VOPP1: variants seen among roughly 807,000 people sequenced by gnomAD.
The protein encoded by VOPP1 is WW domain binding protein VOPP1.
A neutral mutation model predicts 23.5 loss-of-function variants in VOPP1; 8 were observed. The observed-to-expected ratio is 0.34, with a 90% CI of 0.20 to 0.61. The LOEUF (loss-of-function observed/expected upper bound fraction) is 0.61, where lower values mean the gene tolerates loss of function less well. VOPP1 is among the 20% of genes least tolerant of loss of function. The pLI is 0.78. For missense variants in VOPP1, 174 were observed against 238.1 expected (o/e 0.73, Z 1.77); for synonymous variants, 83 against 97.3 (o/e 0.85, Z 0.86).
chr7:55,488,709 C>T (rs1413295966), intron 4 of VOPP1, among the ~76,000 whole-genome samples: 1 of 151,502 alleles, frequency 6.6e-6, no homozygotes, highest in Non-Finnish European at 1.5e-5. Context: ...GAGTCTGGGT[C>T]CTCTAAATCC....
intron 2 of VOPP1, among the ~76,000 whole-genome samples, chr7:55,510,021 A>T (rs1794972480): frequency 6.6e-6 from 1 of 152,138 alleles, no homozygotes; most frequent in Non-Finnish European, 1.5e-5. Flanking sequence ...GACCAAAATG[A>T]GGGTCAGGCT....
chr7:55,498,812 T>C (rs1794163709), intron 2 of VOPP1, among the ~76,000 whole-genome samples: 1 of 152,048 alleles, frequency 6.6e-6, no homozygotes, highest in African/African-American at 2.4e-5. Flanking sequence ...AGATGCAAAG[T>C]GAGATAACAG....
intron 1 of VOPP1, among the ~76,000 whole-genome samples, chr7:55,569,006 G>C: frequency 6.6e-6 from 1 of 152,230 alleles, no homozygotes; most frequent in East Asian, 1.9e-4. Flanking sequence ...GCCACCCTTA[G>C]AATCTGCCAC....
chr7:55,448,821 G>A (rs1398296109), intron 4 of VOPP1, among the ~76,000 whole-genome samples: 1 of 152,244 alleles, frequency 6.6e-6, no homozygotes, highest in Non-Finnish European at 1.5e-5. Context: ...GCGAGGAGCA[G>A]CATTGCCACC....
intron 1 of VOPP1, among the ~76,000 whole-genome samples, chr7:55,565,849 C>G (rs1481400955): frequency 1.3e-5 from 2 of 152,278 alleles, no homozygotes; most frequent in East Asian, 3.9e-4. Context: ...ACCCACAGAA[C>G]AGAGCTTCCT....
chr7:55,526,890 C>T (rs1796223135), intron 1 of VOPP1: 1 of 152,206 alleles, frequency 6.6e-6, no homozygotes, highest in African/African-American at 2.4e-5. Context: ...GGGAGGGGCC[C>T]CCTGCTGTGC....
chr7:55,503,814 G>A (rs77727558), intron 2 of VOPP1, among the ~76,000 whole-genome samples: 1,675 of 152,272 alleles, frequency 0.011, 11 homozygotes, highest in Middle Eastern at 0.02. Flanking sequence ...CAGAGCTGAC[G>A]GAACCTTGGT....
rs147990846 is a variant in VOPP1, at chr7:55,500,639, C to A, written c.114-2949G>T. Among the ~76,000 whole-genome samples the A allele has an allele frequency of 5.6e-3, 827 of 149,002 alleles. 11 individuals carry two copies. The highest frequency in any genetic ancestry group is 0.019 in the African/African-American group (791 of 41,230). On this transcript the variant is annotated intron_variant, in intron 2 of 4. Coordinates refer to ENST00000285279, the MANE Select transcript of VOPP1 (RefSeq NM_030796.5). Reference sequence around the variant, plus strand: ...TTTATAGTGATTTACTACACAGCCACAGAGTCAAGAAGAACACAGCTTACA... The same window carrying A: ...TTTATAGTGATTTACTACACAGCCAAAGAGTCAAGAAGAACACAGCTTACA...
chr7:55,539,475 C>G (rs1030933327), intron 1 of VOPP1: 2 of 152,204 alleles, frequency 1.3e-5, no homozygotes, highest in African/African-American at 2.4e-5. Context: ...AATTCCATTC[C>G]ACTTGGTACT....
rs1261040830 is a variant in VOPP1, at chr7:55,472,721, G to A, written c.*134C>T. On this transcript the variant is annotated 3_prime_UTR_variant, in exon 5 of 5. Coordinates refer to ENST00000285279, the MANE Select transcript of VOPP1 (RefSeq NM_030796.5). The stretch of plus-strand genomic sequence containing the variant: ...TCCATGGAAAGCCTGAAAGAGAGCT[G>A]TGCTTGCTGTGAGGATATCAGAGGA... 2.1e-6 allele frequency: 1 copy of A among 476,588 alleles called. No individual in the cohort carries two copies. Among genetic ancestry groups the A allele is most frequent in the Non-Finnish European group, 3.6e-6 (1 of 281,484 alleles). The allele number at this position is 476,588 out of a possible 1,614,324, so 29.5% of individuals were successfully genotyped here. A position where few individuals can be genotyped will look rare whatever the true frequency, so the allele number is the denominator to read the frequency against.
intron 4 of VOPP1, among the ~76,000 whole-genome samples, chr7:55,445,278 G>C (rs13246196): frequency 8.9e-4 from 58 of 65,236 alleles, no homozygotes; most frequent in African/African-American, 2.4e-3. Flanking sequence ...TACACACACA[G>C]ACACACACAC....
intron 1 of VOPP1, among the ~76,000 whole-genome samples, chr7:55,571,203 G>C (rs1250855949): frequency 6.6e-6 from 1 of 152,138 alleles, no homozygotes. Flanking sequence ...AGGAAGTCTC[G>C]GCTATGGCAG....
At chr7:55,502,362 A>G (rs1403775044) in intron 2 of VOPP1, among the ~76,000 whole-genome samples, 1 of 152,248 alleles carries the variant, frequency 6.6e-6, no homozygotes, top group African/African-American at 2.4e-5. Flanking sequence ...ACCAGCAGCA[A>G]ATACACGCTG....
Position 55,512,087 on chromosome 7 carries a change from G to T in VOPP1, c.113+8985C>A, listed in dbSNP as rs1264768675. ...CTGCTACTATCAAAAAGCATGAGGG[G>T]CTTTGTATACTGATTTAGAAGCATA... On this transcript the variant is annotated intron_variant, in intron 2 of 4. Transcript: ENST00000285279. Among the ~76,000 whole-genome samples the T allele has an allele frequency of 2.6e-5, 4 of 152,132 alleles. No individual in the cohort carries two copies. The East Asian group carries it at 5.8e-4, about 22-fold the overall frequency.
At chr7:55,460,378 C>G (rs1345303709) in intron 4 of VOPP1, among the ~76,000 whole-genome samples, 1 of 152,124 alleles carries the variant, frequency 6.6e-6, no homozygotes, top group Non-Finnish European at 1.5e-5. Context: ...AATGTTAAGT[C>G]AAATTTGATC....
intron 1 of VOPP1, among the ~76,000 whole-genome samples, chr7:55,545,299 A>G (rs1443350474): frequency 1.3e-5 from 2 of 152,214 alleles, no homozygotes; most frequent in Non-Finnish European, 2.9e-5. Flanking sequence ...CCACGCTAGG[A>G]GAAGAAAACT....
At chr7:55,509,874 C>G (rs1794962797) in intron 2 of VOPP1, among the ~76,000 whole-genome samples, 1 of 152,154 alleles carries the variant, frequency 6.6e-6, no homozygotes, top group Non-Finnish European at 1.5e-5. Context: ...TATATCGACT[C>G]TTCTGTGAGA....
chr7:55,492,258 G>C (rs1465779978), intron 4 of VOPP1, 24 bp downstream of exon 4: 2 of 1,596,588 alleles, frequency 1.3e-6, no homozygotes, highest in South Asian at 2.2e-5. Flanking sequence ...GTGGGGAGGA[G>C]AGACAAGGAC....
At chr7:55,532,579 C>T (rs1477094970) in intron 1 of VOPP1, among the ~76,000 whole-genome samples, 2 of 152,092 alleles carry the variant, frequency 1.3e-5, no homozygotes, top group Non-Finnish European at 2.9e-5. Flanking sequence ...CCAAAATGAA[C>T]CAGAAAAACA....
Sources: gnomAD v4.1 joint callset for allele counts (sites outside exome capture counted in the v4.1 genomes callset) on GRCh38, gnomAD v4.1.1 for gene constraint, MANE v1.5 for transcripts, NCBI Gene and HGNC (gene_info 2026-07-23, HGNC 2026-07-21) for gene names.